Variants in TTC17 observed in about 807,000 individuals in gnomAD.
TTC17 encodes tetratricopeptide repeat protein 17.
TTC17 carries 58 observed loss-of-function variants against 143.8 expected under a neutral mutation model. That is an observed-to-expected ratio of 0.40 (90% confidence interval 0.33 to 0.50). The LOEUF is 0.50. Among genes scored for constraint, TTC17 ranks in the 20% least tolerant of loss-of-function variants. The pLI is 0.49. For missense variants in TTC17, 1,273 were observed against 1,392.5 expected (o/e 0.91, Z 1.37); for synonymous variants, 501 against 497.8 (o/e 1.01, Z -0.09).
intron 16 of TTC17, among the ~76,000 whole-genome samples, chr11:43,433,922 CTG>C (rs1041051221): frequency 9.8e-5 from 15 of 152,304 alleles, no homozygotes; most frequent in Admixed American, 9.8e-4. Context: ...AGAATTGTCT[CTG>C]AGAAGTGTGA....
At position 43,466,953 on chromosome 11, in the gene TTC17, C is replaced by T. The variant is rs74903702; in HGVS notation, c.3030+15688C>T. ...GGAGAGCACCGTTCCACCCCATTCG[C>T]TCACAATATCCTATAATATTTGTGC... On this transcript the variant is annotated intron_variant, in intron 21 of 23. Transcript: ENST00000039989. 6.8e-3 allele frequency: 1,124 copies of T among 164,096 alleles called. 16 individuals are homozygous for T. Among genetic ancestry groups the T allele is most frequent in the African/African-American group, 0.026 (1,067 of 41,816 alleles). The allele number at this position is 164,096 out of a possible 1,614,324, so 10.2% of individuals were successfully genotyped here.
chr11:43,385,947 G>A (rs1191889302), intron 2 of TTC17, among the ~76,000 whole-genome samples: 1 of 151,716 alleles, frequency 6.6e-6, no homozygotes, highest in East Asian at 1.9e-4. Context: ...AGAAATGTTA[G>A]TGATGAAAAA....
intron 16 of TTC17, among the ~76,000 whole-genome samples, chr11:43,430,384 T>C (rs538484792): frequency 3.3e-5 from 5 of 152,084 alleles, no homozygotes; most frequent in Non-Finnish European, 7.4e-5. Flanking sequence ...GCCCACATCA[T>C]GCCACTGCAC....
At chr11:43,475,038 G>A (rs1440077393) in intron 21 of TTC17, among the ~76,000 whole-genome samples, 1 of 152,064 alleles carries the variant, frequency 6.6e-6, no homozygotes, top group African/African-American at 2.4e-5. Context: ...AGGGGAGGCA[G>A]GAGAGGCAAG....
At chr11:43,462,921 C>CTTTTTTTTTTTTTATTTTTTTTTTTTTTT (rs562594929) in intron 21 of TTC17, among the ~76,000 whole-genome samples, 1 of 117,724 alleles carries the variant, frequency 8.5e-6, no homozygotes, top group African/African-American at 4.0e-5. Flanking sequence ...TGACAAAATT[C>CTTTTTTTTTTTTTATTTTTTTTTTTTTTT]TTTTTTTTTT....
intron 1 of TTC17, among the ~76,000 whole-genome samples, chr11:43,363,648 A>G (rs905930614): frequency 4.6e-5 from 7 of 152,204 alleles, no homozygotes; most frequent in African/African-American, 7.2e-5. Flanking sequence ...GTGGACTTTC[A>G]GATTTGGAAA....
chr11:43,422,482 A>G (rs1022853760), intron 16 of TTC17, among the ~76,000 whole-genome samples: 1 of 152,152 alleles, frequency 6.6e-6, no homozygotes, highest in African/African-American at 2.4e-5. Flanking sequence ...TTACCTCAAT[A>G]ATTACTATAA....
chr11:43,466,239 C>G (rs933293135), intron 21 of TTC17, among the ~76,000 whole-genome samples: 8 of 152,086 alleles, frequency 5.3e-5, no homozygotes, highest in African/African-American at 1.9e-4. Flanking sequence ...TCATGTCACA[C>G]CAATTAGGAT....
chr11:43,417,082 T>C (rs1946795454), intron 16 of TTC17, among the ~76,000 whole-genome samples: 1 of 152,228 alleles, frequency 6.6e-6, no homozygotes. Flanking sequence ...ACAATTTCAA[T>C]ATTGTGTTTT....
chr11:43,476,337 C>G (rs529350432), intron 21 of TTC17, among the ~76,000 whole-genome samples: 44 of 152,310 alleles, frequency 2.9e-4, no homozygotes, highest in Non-Finnish European at 5.9e-4. Context: ...GTTTGAGCAA[C>G]AGGAGGATAA....
chr11:43,458,287 G>C (rs1947801476), intron 21 of TTC17, among the ~76,000 whole-genome samples: 1 of 152,070 alleles, frequency 6.6e-6, no homozygotes, highest in Admixed American at 6.6e-5. Context: ...TCTCTACATG[G>C]TCTCTTAAGT....
chr11:43,395,900 C>T (rs370956408), intron 5 of TTC17, among the ~76,000 whole-genome samples: 9 of 151,990 alleles, frequency 5.9e-5, no homozygotes, highest in African/African-American at 1.4e-4. Context: ...ATAGTTAAAA[C>T]GTAATTATTC....
chr11:43,450,318 G>A, intron 20 of TTC17, 77 bp downstream of exon 20: 1 of 1,452,878 alleles, frequency 6.9e-7, no homozygotes, highest in Admixed American at 2.6e-5. Context: ...AGAAAGCCCA[G>A]GTGACCGGGC....
chr11:43,421,051 C>T (rs1353345), intron 16 of TTC17, among the ~76,000 whole-genome samples: 8,896 of 152,128 alleles, frequency 0.058, 286 homozygotes, highest in African/African-American at 0.093. Flanking sequence ...GGAAACCAAA[C>T]AGAAAATACC....
At chr11:43,404,366 C>T (rs182703137) in intron 11 of TTC17, among the ~76,000 whole-genome samples, 7 of 152,320 alleles carry the variant, frequency 4.6e-5, no homozygotes, top group Non-Finnish European at 7.4e-5. Flanking sequence ...AGCAGATAGA[C>T]ACCCTGATTT....
rs1025328789 is a variant in TTC17 at position 43,450,673 on chromosome 11, G to A, written c.2946+432G>A. ...GTAGAGGATTGGTTAAATAAATTTTGGTTAGATGTAAGATAGTATACAGTG... is the reference window on the plus strand; with the variant it reads ...GTAGAGGATTGGTTAAATAAATTTTAGTTAGATGTAAGATAGTATACAGTG... On this transcript the variant is annotated intron_variant, in intron 20 of 23. Transcript: ENST00000039989. Among the ~76,000 whole-genome samples the A allele has an allele frequency of 1.2e-4, 18 of 152,164 alleles. No homozygotes were observed. In the East Asian group the frequency reaches 1.7e-3, roughly 15 times the overall value.
At chr11:43,414,843 C>G (rs1007987674) in intron 16 of TTC17, 67 bp downstream of exon 16, 3 of 1,503,948 alleles carry the variant, frequency 2.0e-6, no homozygotes, top group Non-Finnish European at 2.7e-6. Flanking sequence ...ATCAAAAGAA[C>G]ACAGAAAATG....
At position 43,396,677 on chromosome 11, in the gene TTC17, C is replaced by T. The variant is rs78961117; in HGVS notation, c.664-32C>T. 1.2e-4 allele frequency: 155 copies of T among 1,336,876 alleles called. No individual in the cohort carries two copies. In the African/African-American group the frequency reaches 2.1e-3, roughly 18 times the overall value. The allele number at this position is 1,336,876 out of a possible 1,614,324, so 82.8% of individuals were successfully genotyped here. On this transcript the variant is annotated intron_variant, in intron 5 of 23. Transcript: ENST00000039989. ...TATTCTAAGTTAAACTGTCTTGAGT[C>T]GTGTTTGTAATTTTACTTTTTTAAT...
At position 43,489,365 on chromosome 11, in the gene TTC17, C is replaced by A. The variant is rs949439574; in HGVS notation, c.3031-874C>A. Among the ~76,000 whole-genome samples, 10 of 152,072 alleles carry A rather than the reference C, an allele frequency of 6.6e-5. 1 individual carries two copies. The highest frequency in any genetic ancestry group is 3.9e-4 in the Admixed American group (6 of 15,278). ...TTCTCACCCATCAGATTGTCAGGGG[C>A]CTAAGAGTTTAGTAACAAACTCTGT... On this transcript the variant is annotated intron_variant, in intron 21 of 23. Coordinates refer to ENST00000039989, the MANE Select transcript of TTC17 (RefSeq NM_018259.6).
Sources: gnomAD v4.1 joint callset for allele counts (sites outside exome capture counted in the v4.1 genomes callset) on GRCh38, gnomAD v4.1.1 for gene constraint, MANE v1.5 for transcripts, NCBI Gene and HGNC (gene_info 2026-07-23, HGNC 2026-07-21) for gene names.